RUNDC3B: variants seen among roughly 807,000 people sequenced by gnomAD.
RUNDC3B encodes the protein RUN domain containing 3B.
RUNDC3B carries 33 observed loss-of-function variants against 58.4 expected under a neutral mutation model. That is an observed-to-expected ratio of 0.56 (90% confidence interval 0.43 to 0.75). The LOEUF (loss-of-function observed/expected upper bound fraction) is 0.75. Among genes scored for constraint, RUNDC3B ranks in the 30% least tolerant of loss-of-function variants. The pLI is 0.00. For missense variants in RUNDC3B, 501 were observed against 535.7 expected (o/e 0.94, Z 0.64); for synonymous variants, 193 against 195.2 (o/e 0.99, Z 0.10).
intron 2 of RUNDC3B, among the ~76,000 whole-genome samples, chr7:87,686,510 A>T (rs1827475190): frequency 6.6e-6 from 1 of 152,202 alleles, no homozygotes; most frequent in Admixed American, 6.5e-5. Context: ...ACTGACTGGT[A>T]GGCCACATAG....
chr7:87,807,260 T>C, intron 8 of RUNDC3B, 113 bp from the exon 9 acceptor site: 6 of 938,608 alleles, frequency 6.4e-6, no homozygotes, highest in Admixed American at 2.2e-5. Flanking sequence ...TCACAATCTA[T>C]TAACAAACCA....
chr7:87,630,399 T>C (rs1435127628), intron 1 of RUNDC3B, among the ~76,000 whole-genome samples: 22 of 152,246 alleles, frequency 1.4e-4, no homozygotes, highest in Admixed American at 1.4e-3. Context: ...GGTAAAGTAA[T>C]ATGGTATCCG....
intron 6 of RUNDC3B, among the ~76,000 whole-genome samples, chr7:87,752,246 G>A (rs953278832): frequency 4.6e-5 from 7 of 152,168 alleles, no homozygotes; most frequent in African/African-American, 1.7e-4. Context: ...TGGTGGATAA[G>A]CTTTTTGATG....
intron 6 of RUNDC3B, among the ~76,000 whole-genome samples, chr7:87,744,938 G>C (rs1394191062): frequency 6.6e-6 from 1 of 152,158 alleles, no homozygotes; most frequent in Non-Finnish European, 1.5e-5. Context: ...TCAGTACTAT[G>C]TTGGCTGTGG....
chr7:87,645,696 A>G (rs751205094), intron 1 of RUNDC3B, among the ~76,000 whole-genome samples: 2 of 152,194 alleles, frequency 1.3e-5, no homozygotes, highest in Non-Finnish European at 2.9e-5. Flanking sequence ...TAGATATATT[A>G]AAATTCTTTC....
chr7:87,637,114 C>G (rs1296735352), intron 1 of RUNDC3B, among the ~76,000 whole-genome samples: 1 of 152,146 alleles, frequency 6.6e-6, no homozygotes, highest in African/African-American at 2.4e-5. Context: ...CTGCTCCCTC[C>G]CATGATATGT....
intron 2 of RUNDC3B, among the ~76,000 whole-genome samples, chr7:87,696,049 G>C (rs996827568): frequency 2.0e-5 from 3 of 152,122 alleles, no homozygotes; most frequent in Non-Finnish European, 4.4e-5. Flanking sequence ...GATGAAGAGA[G>C]TTGGATTGAT....
chr7:87,763,290 A>G (rs1833799390), intron 6 of RUNDC3B, among the ~76,000 whole-genome samples: 1 of 151,686 alleles, frequency 6.6e-6, no homozygotes, highest in Non-Finnish European at 1.5e-5. Context: ...TTTCTAAAGT[A>G]GGCATAATTG....
chr7:87,683,177 A>T (rs1055901535), intron 2 of RUNDC3B, among the ~76,000 whole-genome samples: 7 of 152,152 alleles, frequency 4.6e-5, no homozygotes, highest in Admixed American at 4.6e-4. Context: ...AGCATTAAAG[A>T]GAGGACCTTA....
chr7:87,645,736 G>A (rs1822939462), intron 1 of RUNDC3B, among the ~76,000 whole-genome samples: 1 of 152,074 alleles, frequency 6.6e-6, no homozygotes, highest in Non-Finnish European at 1.5e-5. Flanking sequence ...GCACATCTTA[G>A]TTACTGTGTT....
intron 6 of RUNDC3B, among the ~76,000 whole-genome samples, chr7:87,759,485 A>G (rs1368482856): frequency 6.6e-6 from 1 of 152,134 alleles, no homozygotes; most frequent in African/African-American, 2.4e-5. Flanking sequence ...TGGAATTGGA[A>G]TGTTCCTAAC....
At position 87,635,833 on chromosome 7, in the gene RUNDC3B, A is replaced by G. The variant is rs1055165072; in HGVS notation, c.122+6888A>G. On this transcript the variant is annotated intron_variant, in intron 1 of 10. Coordinates refer to ENST00000394654, the MANE Select transcript of RUNDC3B (RefSeq NM_001134405.2). ...TTGCCTTTTTAAATATTTTAAATGA[A>G]TGGAATAATACAGTATAGACCTTTT... Among the ~76,000 whole-genome samples, 23 of 152,184 alleles carry G rather than the reference A, an allele frequency of 1.5e-4. 1 individual carries two copies. Among genetic ancestry groups the G allele is most frequent in the Admixed American group, 5.2e-4 (8 of 15,274 alleles).
intron 2 of RUNDC3B, among the ~76,000 whole-genome samples, chr7:87,665,437 A>G (rs1389390269): frequency 6.6e-6 from 1 of 152,164 alleles, no homozygotes; most frequent in Non-Finnish European, 1.5e-5. Context: ...AAATTGTAGA[A>G]GACACAAATA....
intron 1 of RUNDC3B, among the ~76,000 whole-genome samples, chr7:87,646,930 T>C (rs947314381): frequency 6.6e-6 from 1 of 152,210 alleles, no homozygotes; most frequent in Non-Finnish European, 1.5e-5. Context: ...TGTTACTTCC[T>C]ATATGTTATT....
chr7:87,687,287 T>C (rs544707161), intron 2 of RUNDC3B, among the ~76,000 whole-genome samples: 1 of 152,288 alleles, frequency 6.6e-6, no homozygotes, highest in Admixed American at 6.5e-5. Context: ...ACTGGCTGTT[T>C]ACTGTGTAAG....
intron 2 of RUNDC3B, among the ~76,000 whole-genome samples, chr7:87,668,430 A>G (rs1825488172): frequency 2.0e-5 from 3 of 152,048 alleles, no homozygotes; most frequent in Admixed American, 1.3e-4. Flanking sequence ...TTTCAAAACA[A>G]CAGCCCTTGG....
chr7:87,657,704 G>C lies in RUNDC3B; in HGVS notation c.238+6767G>C, dbSNP rs28746497. On this transcript the variant is annotated intron_variant, in intron 2 of 10. Coordinates refer to ENST00000394654, the MANE Select transcript of RUNDC3B (RefSeq NM_001134405.2). Reference sequence around the variant, plus strand: ...GGGTGGGGTCAGAAGAGGCCTGTTAGAGAGTTATGTCTTTCACTGTCACCC... The same window carrying C: ...GGGTGGGGTCAGAAGAGGCCTGTTACAGAGTTATGTCTTTCACTGTCACCC... Among the ~76,000 whole-genome samples, 298 of 152,264 alleles carry C rather than the reference G, an allele frequency of 2.0e-3. 10 individuals carry two copies. In the East Asian group the frequency reaches 0.047, roughly 24 times the overall value.
intron 2 of RUNDC3B, among the ~76,000 whole-genome samples, chr7:87,655,707 C>G (rs1824030515): frequency 1.3e-5 from 2 of 152,042 alleles, no homozygotes; most frequent in Non-Finnish European, 2.9e-5. Flanking sequence ...AGTATATTTT[C>G]AGTGTTCTCA....
chr7:87,642,446 G>A (rs1475783405), intron 1 of RUNDC3B, among the ~76,000 whole-genome samples: 1 of 151,930 alleles, frequency 6.6e-6, no homozygotes, highest in Non-Finnish European at 1.5e-5. Flanking sequence ...AAGAATAATT[G>A]GATTCCCAAG....
Sources: gnomAD v4.1 joint callset for allele counts (sites outside exome capture counted in the v4.1 genomes callset) on GRCh38, gnomAD v4.1.1 for gene constraint, MANE v1.5 for transcripts, NCBI Gene and HGNC (gene_info 2026-07-23, HGNC 2026-07-21) for gene names.